SMARCE1: variants seen among roughly 807,000 people sequenced by gnomAD.
The protein encoded by SMARCE1 is SWI/SNF related BAF chromatin remodeling complex subunit E1.
In SMARCE1, 13 loss-of-function variants were observed where a neutral mutation model predicts 54.9. That is an observed-to-expected ratio of 0.24 (90% CI 0.15 to 0.38). The LOEUF is 0.38. Ranked by LOEUF, SMARCE1 falls within the 10% of genes least tolerant of loss-of-function variation. The probability of loss-of-function intolerance (pLI) is 1.00; values close to 1 mark genes in which losing one functional copy is unlikely to be tolerated. For missense variants in SMARCE1, 295 were observed against 523.8 expected (o/e 0.56, Z 4.26); for synonymous variants, 151 against 175.3 (o/e 0.86, Z 1.10).
rs191783914 is a variant in SMARCE1 at position 40,646,730 on chromosome 17, T to C, written c.-45-883A>G. On this transcript the variant is annotated intron_variant, in intron 1 of 10. Transcript: ENST00000348513. ...TAGTGAGGTACAAAAAGACAAAAAT[T>C]CATCTTTGGAAAGAAGGCAAATAAA... Among the ~76,000 whole-genome samples the C allele has an allele frequency of 4.9e-3, 751 of 152,256 alleles. 5 individuals are homozygous for C. Among genetic ancestry groups the C allele is most frequent in the African/African-American group, 0.017 (724 of 41,550 alleles).
In SMARCE1 at chr17:40,630,825, CCTT is replaced by C. The variant is rs770456331; in HGVS notation, c.913_915del (p.Lys305del). The C allele has an allele frequency of 3.1e-6, 5 of 1,614,078 alleles. No homozygotes were observed. Among genetic ancestry groups the C allele is most frequent in the South Asian group, 1.1e-5 (1 of 91,084 alleles). Reference sequence around the variant, plus strand: ...CTGCGCTCAGCTTGCTCTGCGGCCTCCTTCTCCCTTTCCTCCTGCCTTTTGCGG... The same window carrying C: ...CTGCGCTCAGCTTGCTCTGCGGCCTCCTCCCTTTCCTCCTGCCTTTTGCGG... On this transcript the variant is annotated inframe_deletion, in exon 10 of 11. Coordinates refer to ENST00000348513, the MANE Select transcript of SMARCE1 (RefSeq NM_003079.5).
rs938682775 is a variant in SMARCE1, at chr17:40,627,925, T to C, written c.*860A>G. On this transcript the variant is annotated 3_prime_UTR_variant, in exon 11 of 11. Coordinates refer to ENST00000348513, the MANE Select transcript of SMARCE1 (RefSeq NM_003079.5). ...TGAGGTTTGGATGTTCTGATTATTG[T>C]AAAACAATTTCAAGTGGATTAACTT... 11 of 152,654 alleles carry C rather than the reference T, an allele frequency of 7.2e-5. No homozygotes were observed. Among genetic ancestry groups the C allele is most frequent in the African/African-American group, 2.7e-4 (11 of 41,462 alleles). The allele number at this position is 152,654 out of a possible 1,614,324, so 9.5% of individuals were successfully genotyped here.
At position 40,625,845 on chromosome 17, in the gene SMARCE1, T is replaced by A. The variant is rs1364270574; in HGVS notation, c.*2940A>T. The stretch of plus-strand genomic sequence containing the variant: ...CCAAACCTCGGCTTTATAGAATAGA[T>A]AATTATCACATCCTGTAGGAGAGCC... On this transcript the variant is annotated 3_prime_UTR_variant, in exon 11 of 11. Transcript: ENST00000348513. The A allele has an allele frequency of 6.6e-6, 1 of 152,244 alleles. No individual in the cohort carries two copies. Among genetic ancestry groups the A allele is most frequent in the African/African-American group, 2.4e-5 (1 of 41,460 alleles). 9.4% of individuals were successfully genotyped at this position (152,244 alleles called of 1,614,324 possible). A position where few individuals can be genotyped will look rare whatever the true frequency, so the allele number is the denominator to read the frequency against.
chr17:40,637,197 C>T (rs1271691050), intron 5 of SMARCE1: 1 of 387,018 alleles, frequency 2.6e-6, no homozygotes, highest in South Asian at 2.6e-5. Context: ...TCTTGCAGTC[C>T]TCCTTCACTT....
At chr17:40,641,629 T>G (rs1258898485) in intron 4 of SMARCE1, 1 of 152,242 alleles carries the variant, frequency 6.6e-6, no homozygotes, top group Non-Finnish European at 1.5e-5. Context: ...CATTCCAATG[T>G]AGTATTTGAC....
At chr17:40,629,027 G>T in intron 10 of SMARCE1, 34 bp from the exon 11 acceptor site, 2 of 1,576,742 alleles carry the variant, frequency 1.3e-6, no homozygotes, top group Non-Finnish European at 1.7e-6. Context: ...TCAGTTCCAA[G>T]ATGAAATTTT....
At chr17:40,629,291 G>A (rs2037067275) in intron 10 of SMARCE1, 1 of 400,018 alleles carries the variant, frequency 2.5e-6, no homozygotes, top group Non-Finnish European at 4.4e-6. Context: ...AAAAAGGAAA[G>A]CTGATTTTAA....
chr17:40,636,432 T>C lies in SMARCE1; in HGVS notation c.332A>G (p.Glu111Gly), dbSNP rs2037146794. The change falls in exon 6 of 11, where the codon GAA becomes GGA. Residue 111 changes from glutamate to glycine, a missense_variant. Transcript: ENST00000348513. Reference sequence around the variant, plus strand: ...GTATTCGTTTAAATATTCTTGTTTTTCTTCATCAGTGAGATCTCGCCACAT... The same window carrying C: ...GTATTCGTTTAAATATTCTTGTTTTCCTTCATCAGTGAGATCTCGCCACAT... ...GGMWRDLTDE[E>G]KQEYLNEYEA... The C allele has an allele frequency of 6.2e-7, 1 of 1,612,402 alleles. No individual in the cohort carries two copies. The highest frequency in any genetic ancestry group is 1.3e-5 in the African/African-American group (1 of 74,998).
Position 40,628,688 on chromosome 17 carries a change from GA to G in SMARCE1, c.*96del. 35 of 993,814 alleles carry G rather than the reference GA, an allele frequency of 3.5e-5. No individual in the cohort carries two copies. The highest frequency in any genetic ancestry group is 4.4e-5 in the South Asian group (3 of 67,620). 61.6% of individuals were successfully genotyped at this position (993,814 alleles called of 1,614,324 possible). ...GCCTTTGGTGGTGTGATATGGACAA[GA>G]AAAAAAATTAATACACAAACCACGT... is the stretch of plus-strand genomic sequence containing the variant. On this transcript the variant is annotated 3_prime_UTR_variant, in exon 11 of 11. Transcript: ENST00000348513.
chr17:40,632,414 A>T, intron 7 of SMARCE1, 47 bp from the exon 8 acceptor site: 12 of 1,540,652 alleles, frequency 7.8e-6, no homozygotes, highest in Non-Finnish European at 1.1e-5. Flanking sequence ...AGTAACCATA[A>T]AAAGGAGTGT....
intron 3 of SMARCE1, 130 bp downstream of exon 3, chr17:40,645,446 T>C (rs942457512): frequency 7.4e-6 from 4 of 542,668 alleles, no homozygotes; most frequent in African/African-American, 6.0e-5. Flanking sequence ...GGAAGTGCTT[T>C]TTTTTTTTTC....
chr17:40,643,494 G>T (rs1247462682), intron 3 of SMARCE1: 1 of 152,128 alleles, frequency 6.6e-6, no homozygotes, highest in Non-Finnish European at 1.5e-5. Flanking sequence ...TATAGCAGTA[G>T]CCTTGGGGCT....
Position 40,635,530 on chromosome 17 carries a change from T to C in SMARCE1, c.541+401A>G, listed in dbSNP as rs1487574233. 1.6e-4 allele frequency: 25 copies of C among 154,564 alleles called. No homozygotes were observed. In the Admixed American group the frequency reaches 1.6e-3, roughly 10 times the overall value. The allele number at this position is 154,564 out of a possible 1,614,324, so 9.6% of individuals were successfully genotyped here. ...TGAATTAAATGGAAAGGAAACTTCA[T>C]GTTTCCACATACTCATTAGCTTCTC... On this transcript the variant is annotated intron_variant, in intron 7 of 10. Coordinates refer to ENST00000348513, the MANE Select transcript of SMARCE1 (RefSeq NM_003079.5).
chr17:40,629,492 C>T (rs1029916079), intron 10 of SMARCE1: 5 of 1,199,070 alleles, frequency 4.2e-6, no homozygotes, highest in Admixed American at 8.4e-5. Flanking sequence ...ATGGATTAAA[C>T]GAGGAGAAAG....
Position 40,642,261 on chromosome 17 carries a change from C to T in SMARCE1, c.156+194G>A. On this transcript the variant is annotated intron_variant, in intron 4 of 10. Transcript: ENST00000348513. This position sits in a 1 kb window ranked among gnomAD's most constrained non-coding sequence, Gnocchi z 4.6. Reference sequence around the variant, plus strand: ...AAACAGAATGGATTTTTCTTTTCTTCTATATACATTCCAGATCTCACTATT... The same window carrying T: ...AAACAGAATGGATTTTTCTTTTCTTTTATATACATTCCAGATCTCACTATT... 1 of 645,660 alleles carries T rather than the reference C, an allele frequency of 1.5e-6. No individual in the cohort carries two copies. Among genetic ancestry groups the T allele is most frequent in the African/African-American group, 1.8e-5 (1 of 54,696 alleles). The allele number at this position is 645,660 out of a possible 1,614,324, so 40.0% of individuals were successfully genotyped here. A position where few individuals can be genotyped will look rare whatever the true frequency, so the allele number is the denominator to read the frequency against.
chr17:40,630,173 T>C, intron 10 of SMARCE1: 1 of 1,084,648 alleles, frequency 9.2e-7, no homozygotes, highest in Non-Finnish European at 1.4e-6. Context: ...TTTATGTAAG[T>C]TTTATTTATA....
intron 10 of SMARCE1, chr17:40,629,581 A>C: frequency 8.9e-7 from 1 of 1,129,726 alleles, no homozygotes; most frequent in Non-Finnish European, 1.1e-6. Flanking sequence ...GTAAGAAATT[A>C]AAAGCATGAG....
In SMARCE1 at chr17:40,628,316, T is replaced by G. The variant is rs998834214; in HGVS notation, c.*469A>C. ...TTGATTAAAAGTAAAAAAGGGTAAG[T>G]GAACAAATACATACTCATACATGAT... On this transcript the variant is annotated 3_prime_UTR_variant, in exon 11 of 11. Transcript: ENST00000348513. 1.3e-5 allele frequency: 2 copies of G among 155,766 alleles called. No homozygotes were observed. The highest frequency in any genetic ancestry group is 4.8e-5 in the African/African-American group (2 of 41,450). 9.6% of individuals were successfully genotyped at this position (155,766 alleles called of 1,614,324 possible).
At chr17:40,637,375 TGGACC>T in intron 5 of SMARCE1, 112 bp downstream of exon 5, 2 of 828,234 alleles carry the variant, frequency 2.4e-6, no homozygotes, top group Admixed American at 1.9e-5. Flanking sequence ...CGTATTTTTT[TGGACC>T]TTTCCTCTGA....
Sources: gnomAD v4.1 joint callset for allele counts (sites outside exome capture counted in the v4.1 genomes callset) on GRCh38, gnomAD v4.1.1 for gene constraint, Gnocchi (gnomAD v3.1) non-coding constraint, MANE v1.5 for transcripts, NCBI Gene and HGNC (gene_info 2026-07-23, HGNC 2026-07-21) for gene names.